Variants in VPS54 observed in about 807,000 individuals in gnomAD.
The protein encoded by VPS54 is VPS54 subunit of GARP complex.
A neutral mutation model predicts 121.5 loss-of-function variants in VPS54; 45 were observed. The observed-to-expected ratio is 0.37, with a 90% CI of 0.29 to 0.47. VPS54 has a LOEUF of 0.47. Ranked by LOEUF, VPS54 falls within the 20% of genes least tolerant of loss-of-function variation. The probability of loss-of-function intolerance (pLI) is 0.99; values close to 1 mark genes in which losing one functional copy is unlikely to be tolerated. For synonymous variants in VPS54, 371 were observed against 385.8 expected, an observed-to-expected ratio of 0.96 and a Z score of 0.45; for missense variants, 1,090 against 1,131.4, an observed-to-expected ratio of 0.96 and a Z score of 0.52.
intron 1 of VPS54, among the ~76,000 whole-genome samples, chr2:63,984,764 A>G (rs1676962973): frequency 6.6e-6 from 1 of 152,252 alleles, no homozygotes; most frequent in South Asian, 2.1e-4. Flanking sequence ...AAATACTGAA[A>G]TAATTTGTGG....
rs758800214 is a variant in VPS54, at chr2:63,926,693, C to T, written c.1740-5358G>A. ...GAAGCAGGGCGGGGCATCGCCTCAC[C>T]TGGGAAGCACAAGGGGTCGGGGGAT... On this transcript the variant is annotated intron_variant, in intron 12 of 22. Transcript: ENST00000272322. Among the ~76,000 whole-genome samples, 18 of 152,316 alleles carry T rather than the reference C, an allele frequency of 1.2e-4. No homozygotes were observed. The South Asian group carries it at 1.5e-3, about 12-fold the overall frequency.
chr2:63,922,136 GGA>G (rs1673674639), intron 12 of VPS54, among the ~76,000 whole-genome samples: 2 of 152,280 alleles, frequency 1.3e-5, no homozygotes, highest in Non-Finnish European at 1.5e-5. Context: ...CTGCTTTCAA[GGA>G]ACCTAAACTC....
intron 1 of VPS54, among the ~76,000 whole-genome samples, chr2:64,001,876 TAGTA>T (rs1677898188): frequency 6.6e-6 from 1 of 152,058 alleles, no homozygotes; most frequent in African/African-American, 2.4e-5. Context: ...ATTGATGTCT[TAGTA>T]AGTCATGTGC....
chr2:64,012,317 G>A (rs1017304951), intron 1 of VPS54, among the ~76,000 whole-genome samples: 2 of 151,960 alleles, frequency 1.3e-5, no homozygotes, highest in Non-Finnish European at 2.9e-5. Flanking sequence ...AGCCTCTGAT[G>A]CTGCTCAGCA....
At chr2:63,973,726 G>A (rs1189096215) in intron 3 of VPS54, among the ~76,000 whole-genome samples, 1 of 151,896 alleles carries the variant, frequency 6.6e-6, no homozygotes, top group Admixed American at 6.6e-5. Flanking sequence ...ATTTTTTCTT[G>A]TACAGATGGG....
At chr2:63,953,616 G>A (rs1040241681) in intron 7 of VPS54, among the ~76,000 whole-genome samples, 14 of 152,254 alleles carry the variant, frequency 9.2e-5, no homozygotes, top group African/African-American at 2.6e-4. Flanking sequence ...ACAATATCCA[G>A]AGTATATTTT....
At chr2:64,013,726 A>G (rs1046239710) in intron 1 of VPS54, among the ~76,000 whole-genome samples, 4 of 148,022 alleles carry the variant, frequency 2.7e-5, no homozygotes, top group African/African-American at 9.9e-5. Flanking sequence ...ATAGAGAGAT[A>G]TATATATATC....
intron 1 of VPS54, among the ~76,000 whole-genome samples, chr2:63,999,426 G>A (rs1677764369): frequency 1.3e-5 from 2 of 152,138 alleles, no homozygotes; most frequent in African/African-American, 4.8e-5. Context: ...CCACTCTCTT[G>A]GCCTGTAAGG....
intron 7 of VPS54, among the ~76,000 whole-genome samples, chr2:63,958,622 G>A (rs1333915550): frequency 6.6e-6 from 1 of 152,142 alleles, no homozygotes; most frequent in Non-Finnish European, 1.5e-5. Flanking sequence ...GGCTAGGGCA[G>A]GAGGATCACT....
intron 1 of VPS54, among the ~76,000 whole-genome samples, chr2:63,998,048 T>G (rs919230579): frequency 3.9e-5 from 6 of 152,306 alleles, no homozygotes; most frequent in East Asian, 1.9e-4. Flanking sequence ...AGAAGATGCT[T>G]GATATTATTT....
chr2:63,944,380 C>T (rs1674880244), intron 10 of VPS54, among the ~76,000 whole-genome samples: 1 of 152,324 alleles, frequency 6.6e-6, no homozygotes, highest in South Asian at 2.1e-4. Flanking sequence ...CTCAGGGTGA[C>T]TGCTTCCCTC....
intron 1 of VPS54, among the ~76,000 whole-genome samples, chr2:63,989,439 A>G (rs1388767989): frequency 6.6e-6 from 1 of 152,178 alleles, no homozygotes; most frequent in Non-Finnish European, 1.5e-5. Context: ...ACCCAGCTCT[A>G]AAATTTCTCT....
chr2:63,962,478 T>G (rs746589851), intron 6 of VPS54, 35 bp from the exon 7 acceptor site: 3 of 1,550,498 alleles, frequency 1.9e-6, no homozygotes, highest in Middle Eastern at 1.7e-4. Flanking sequence ...TGAAGTACTA[T>G]GAGCATACCT....
chr2:63,960,739 C>T (rs146205002), intron 7 of VPS54, among the ~76,000 whole-genome samples: 1,808 of 152,214 alleles, frequency 0.012, 23 homozygotes, highest in Middle Eastern at 0.031. Flanking sequence ...TGAAAAAATA[C>T]ATACGACATA....
At chr2:63,942,183 T>C (rs894015834) in intron 11 of VPS54, among the ~76,000 whole-genome samples, 1 of 151,946 alleles carries the variant, frequency 6.6e-6, no homozygotes, top group Non-Finnish European at 1.5e-5. Flanking sequence ...CTAGATAACC[T>C]AGGAGAACAA....
At chr2:63,955,487 A>G (rs1675451935) in intron 7 of VPS54, among the ~76,000 whole-genome samples, 1 of 152,084 alleles carries the variant, frequency 6.6e-6, no homozygotes. Flanking sequence ...CATCAAAATA[A>G]TAAAACTTTC....
At chr2:63,970,960 C>A (rs189655552) in intron 4 of VPS54, among the ~76,000 whole-genome samples, 1 of 152,244 alleles carries the variant, frequency 6.6e-6, no homozygotes, top group African/African-American at 2.4e-5. Flanking sequence ...AACCTGAGCT[C>A]CAGGTTGCCA....
At chr2:63,988,583 C>A (rs1021569059) in intron 1 of VPS54, among the ~76,000 whole-genome samples, 22 of 152,188 alleles carry the variant, frequency 1.4e-4, no homozygotes, top group African/African-American at 5.3e-4. Flanking sequence ...GTCTTTACTG[C>A]AATCTCTGAA....
At chr2:63,903,018 C>A (rs1311120372) in intron 20 of VPS54, among the ~76,000 whole-genome samples, 1 of 151,858 alleles carries the variant, frequency 6.6e-6, no homozygotes, top group African/African-American at 2.4e-5. Flanking sequence ...CATAACATAA[C>A]AAAAATAAAA....
Sources: allele counts gnomAD v4.1 joint callset (sites outside exome capture counted in the v4.1 genomes callset), GRCh38; gene constraint gnomAD v4.1.1; transcripts MANE v1.5; gene names NCBI Gene and HGNC (gene_info 2026-07-23, HGNC 2026-07-21).